DCLK2: variants seen among roughly 807,000 people sequenced by gnomAD.
DCLK2 encodes the protein doublecortin like kinase 2.
In DCLK2, 31 loss-of-function variants were observed where a neutral mutation model predicts 78.4. The observed-to-expected ratio is 0.40, with a 90% CI of 0.30 to 0.53. DCLK2 has a LOEUF of 0.53. Among genes scored for constraint, DCLK2 ranks in the 20% least tolerant of loss-of-function variants. The pLI is 0.61. For synonymous variants in DCLK2, 407 were observed against 374.9 expected, an observed-to-expected ratio of 1.09 and a Z score of -0.99; for missense variants, 872 against 973.7, an observed-to-expected ratio of 0.90 and a Z score of 1.39.
intron 1 of DCLK2, among the ~76,000 whole-genome samples, chr4:150,086,223 G>A (rs28439804): frequency 0.2 from 30,341 of 152,036 alleles, 3,301 homozygotes; most frequent in African/African-American, 0.25. Context: ...TATTTAAGAT[G>A]TTTTAATAGT....
In DCLK2 at chr4:150,245,789, A is replaced by G. The variant is rs191804917; in HGVS notation, c.1779-1814A>G. Reference sequence around the variant, plus strand: ...TCATTGATGGACATTTGAAATAGGAACACTTTTACACTGTTGGTGGGACTG... The same window carrying G: ...TCATTGATGGACATTTGAAATAGGAGCACTTTTACACTGTTGGTGGGACTG... On this transcript the variant is annotated intron_variant, in intron 12 of 15. Coordinates refer to ENST00000296550, the MANE Select transcript of DCLK2 (RefSeq NM_001040260.4). Among the ~76,000 whole-genome samples, 111 of 152,288 alleles carry G rather than the reference A, an allele frequency of 7.3e-4. 1 individual carries two copies. Among genetic ancestry groups the G allele is most frequent in the Non-Finnish European group, 1.2e-3 (82 of 68,034 alleles).
At chr4:150,136,860 T>G (rs1224999209) in intron 2 of DCLK2, among the ~76,000 whole-genome samples, 4 of 152,098 alleles carry the variant, frequency 2.6e-5, no homozygotes, top group African/African-American at 9.7e-5. Flanking sequence ...CAAATAAATA[T>G]TAATTTGATG....
chr4:150,216,381 G>A (rs1740719903), intron 5 of DCLK2, among the ~76,000 whole-genome samples: 1 of 152,330 alleles, frequency 6.6e-6, no homozygotes, highest in Non-Finnish European at 1.5e-5. Context: ...GCTCATGCCT[G>A]TAATCCCAGC....
intron 8 of DCLK2, among the ~76,000 whole-genome samples, chr4:150,230,386 A>G (rs1580761143): frequency 1.3e-5 from 2 of 152,208 alleles, no homozygotes; most frequent in Non-Finnish European, 2.9e-5. Context: ...TATCTTACAG[A>G]TATCACTAAA....
chr4:150,124,419 C>G (rs1414556033), intron 2 of DCLK2, among the ~76,000 whole-genome samples: 1 of 151,796 alleles, frequency 6.6e-6, no homozygotes, highest in African/African-American at 2.4e-5. Flanking sequence ...AAATATTGTT[C>G]TTTTAGTTTG....
rs116759140 is a variant in DCLK2, at chr4:150,133,669, A to G, written c.756+30857A>G. On this transcript the variant is annotated intron_variant, in intron 2 of 15. Coordinates refer to ENST00000296550, the MANE Select transcript of DCLK2 (RefSeq NM_001040260.4). ...CATTTCCAAATTAAACATGAAATGT[A>G]TATTTTTCTCTCTGATAAGAGAATG... is the stretch of plus-strand genomic sequence containing the variant. Among the ~76,000 whole-genome samples, 481 of 152,364 alleles carry G rather than the reference A, an allele frequency of 3.2e-3. 2 individuals are homozygous for G. The highest frequency in any genetic ancestry group is 0.011 in the African/African-American group (461 of 41,590).
At chr4:150,159,689 G>A (rs1012474758) in intron 2 of DCLK2, among the ~76,000 whole-genome samples, 1 of 152,180 alleles carries the variant, frequency 6.6e-6, no homozygotes, top group African/African-American at 2.4e-5. Flanking sequence ...CAATTTGCAC[G>A]AAGGTAAATT....
intron 2 of DCLK2, among the ~76,000 whole-genome samples, chr4:150,175,969 C>A (rs1473911400): frequency 2.0e-5 from 3 of 152,172 alleles, no homozygotes; most frequent in African/African-American, 7.2e-5. Flanking sequence ...GTGCTGTAAG[C>A]CAGAGTATCT....
chr4:150,170,413 A>AG (rs1165836878), intron 2 of DCLK2, among the ~76,000 whole-genome samples: 1 of 152,200 alleles, frequency 6.6e-6, no homozygotes. Flanking sequence ...GGCGAGGATA[A>AG]GGTGGGAGGG....
chr4:150,197,028 G>A (rs1011580730), intron 3 of DCLK2, among the ~76,000 whole-genome samples: 2 of 151,774 alleles, frequency 1.3e-5, no homozygotes, highest in Non-Finnish European at 2.9e-5. Flanking sequence ...GGTGGTGGGC[G>A]CCTGTAGTCC....
At chr4:150,147,414 A>G (rs1394856615) in intron 2 of DCLK2, among the ~76,000 whole-genome samples, 1 of 152,220 alleles carries the variant, frequency 6.6e-6, no homozygotes, top group Non-Finnish European at 1.5e-5. Flanking sequence ...AGTTACCTTC[A>G]TAAAGCTGGC....
intron 15 of DCLK2, among the ~76,000 whole-genome samples, chr4:150,252,787 G>A (rs1343015050): frequency 6.6e-6 from 1 of 152,180 alleles, no homozygotes; most frequent in African/African-American, 2.4e-5. Context: ...TTGTCATTTT[G>A]CGCATGTTGG....
intron 2 of DCLK2, among the ~76,000 whole-genome samples, chr4:150,116,369 G>A (rs921533473): frequency 3.9e-5 from 6 of 152,216 alleles, no homozygotes; most frequent in Admixed American, 3.3e-4. Context: ...GACTTTCCCT[G>A]CTGAGCCCGG....
chr4:150,080,734 C>G (rs1424288493), intron 1 of DCLK2, among the ~76,000 whole-genome samples: 2 of 152,250 alleles, frequency 1.3e-5, no homozygotes, highest in Non-Finnish European at 2.9e-5. Context: ...TTCACCTCTG[C>G]TGAGCTAATG....
chr4:150,168,516 T>C (rs1469954426), intron 2 of DCLK2, among the ~76,000 whole-genome samples: 2 of 152,222 alleles, frequency 1.3e-5, no homozygotes, highest in African/African-American at 4.8e-5. Context: ...TTCTGCCTTA[T>C]GCCCCTTAGT....
At chr4:150,183,356 A>G (rs921757772) in intron 2 of DCLK2, among the ~76,000 whole-genome samples, 7 of 152,218 alleles carry the variant, frequency 4.6e-5, no homozygotes, top group African/African-American at 1.7e-4. Flanking sequence ...CTTCTACCAA[A>G]TTGTTGCAGT....
intron 2 of DCLK2, among the ~76,000 whole-genome samples, chr4:150,133,505 C>T (rs1733475656): frequency 6.6e-6 from 1 of 152,156 alleles, no homozygotes; most frequent in Admixed American, 6.5e-5. Context: ...CACCTATCAA[C>T]ATGGCAAAGT....
rs531286421 is a variant in DCLK2 at position 150,195,152 on chromosome 4, T to A, written c.859+1912T>A. ...AAAATAGGCATTTATATATATATTATATATAATATTATATATTATATACAA... is the reference window on the plus strand; with the variant it reads ...AAAATAGGCATTTATATATATATTAAATATAATATTATATATTATATACAA... On this transcript the variant is annotated intron_variant, in intron 3 of 15. Transcript: ENST00000296550. Among the ~76,000 whole-genome samples the A allele has an allele frequency of 4.0e-4, 22 of 54,828 alleles. 3 individuals are homozygous for A. The highest frequency in any genetic ancestry group is 2.6e-3 in the Admixed American group (7 of 2,646). The allele number at this position is 54,828 out of a possible 152,430, so 36.0% of individuals were successfully genotyped here.
intron 11 of DCLK2, 40 bp from the exon 12 acceptor site, chr4:150,240,359 G>A (rs983098028): frequency 1.3e-6 from 2 of 1,581,144 alleles, no homozygotes; most frequent in East Asian, 2.2e-5. Context: ...GGTCTTGGGA[G>A]CCATCAGTTC....
Sources: gnomAD v4.1 joint callset for allele counts (sites outside exome capture counted in the v4.1 genomes callset) on GRCh38, gnomAD v4.1.1 for gene constraint, MANE v1.5 for transcripts, NCBI Gene and HGNC (gene_info 2026-07-23, HGNC 2026-07-21) for gene names.